Variants in DENND4B observed in about 807,000 individuals in gnomAD.
DENND4B encodes DENN domain-containing protein 4B.
Under a neutral mutation model 161.0 loss-of-function variants are expected in DENND4B, and 67 were observed. The ratio of observed to expected loss-of-function variants is 0.42; its 90% CI spans 0.34 to 0.51. The LOEUF is 0.51. Ranked by LOEUF, DENND4B falls within the 20% of genes least tolerant of loss-of-function variation. The pLI is 0.08. For missense variants in DENND4B, 1,481 were observed against 1,968.0 expected (o/e 0.75, Z 4.68); for synonymous variants, 753 against 813.8 (o/e 0.93, Z 1.27).
In DENND4B at chr1:153,944,243, A is replaced by C; in HGVS notation, c.132T>G (p.Ala44=). 6.2e-7 allele frequency: 1 copy of C among 1,602,656 alleles called. No homozygotes were observed. The highest frequency in any genetic ancestry group is 1.1e-5 in the South Asian group (1 of 89,912). ...TGACTGCCACATCTGTGATGGGCTC[A>C]GCTGGCCGGGGAGGGCGCAGGGGCC... ...PSGPLRPPRP[A]EPITDVAVIA... is the part of the protein sequence containing the mutation. The change falls in exon 2 of 28, where the codon GCT becomes GCG. Residue 44 remains alanine, a synonymous_variant. Coordinates refer to ENST00000361217, the MANE Select transcript of DENND4B (RefSeq NM_014856.3). This position sits in a 1 kb window ranked among gnomAD's most constrained non-coding sequence, Gnocchi z 4.8.
Position 153,933,268 on chromosome 1 carries a change from T to G in DENND4B, c.3382A>C (p.Asn1128His). The G allele has an allele frequency of 6.2e-7, 1 of 1,613,270 alleles. No individual in the cohort carries two copies. The highest frequency in any genetic ancestry group is 8.5e-7 in the Non-Finnish European group (1 of 1,179,584). Reference protein sequence around the residue: ...EWDLSESSLSNLSLRRSSERL... With the variant: ...EWDLSESSLSHLSLRRSSERL... ...TCTGAGGAACGGCGAAGACTCAGGT[T>G]GCTGAGAGAAGATTCTGAGAGGTCC... Residue 1128 changes from asparagine (N) to histidine (H), a missense_variant, in exon 21 of 28, where the codon AAC becomes CAC. Around this residue, in one of 3 missense-constraint regions of DENND4B, gnomAD observed 336 missense variants for 503.3 expected, o/e 0.67. Coordinates refer to ENST00000361217, the MANE Select transcript of DENND4B (RefSeq NM_014856.3). This position sits in a 1 kb window ranked among gnomAD's most constrained non-coding sequence, Gnocchi z 5.7.
chr1:153,931,732 A>G (rs1678951180), intron 24 of DENND4B, among the ~76,000 whole-genome samples: 1 of 151,634 alleles, frequency 6.6e-6, no homozygotes, highest in South Asian at 2.1e-4. Flanking sequence ...TCCTGACCTC[A>G]TGATCTGCCC....
rs1354012531 is a variant in DENND4B at position 153,933,415 on chromosome 1, TC to T, written c.3330+67del. 8 of 1,604,518 alleles carry T rather than the reference TC, an allele frequency of 5.0e-6. No individual in the cohort carries two copies. The highest frequency in any genetic ancestry group is 3.3e-5 in the South Asian group (3 of 90,304). On this transcript the variant is annotated intron_variant, in intron 20 of 27. Coordinates refer to ENST00000361217, the MANE Select transcript of DENND4B (RefSeq NM_014856.3). This position sits in a 1 kb window ranked among gnomAD's most constrained non-coding sequence, Gnocchi z 5.7. ...CCCTCAGAGCCCCCTTTTTGAGCAT[TC>T]TTCCAGTCGTAGCCCCTCCCCAAGC... is the stretch of plus-strand genomic sequence containing the variant.
intron 2 of DENND4B, 93 bp downstream of exon 2, chr1:153,943,965 T>C (rs1247700820): frequency 1.5e-6 from 2 of 1,376,840 alleles, no homozygotes; most frequent in African/African-American, 1.5e-5. Flanking sequence ...CCCATCCCCA[T>C]TGCCCTTCCC....
At chr1:153,931,173 C>T in intron 24 of DENND4B, 109 bp from the exon 25 acceptor site, 1 of 837,408 alleles carries the variant, frequency 1.2e-6, no homozygotes, top group Non-Finnish European at 1.9e-6. Context: ...AGGACACAGC[C>T]AAAGAGAAGT....
chr1:153,939,797 A>G lies in DENND4B; in HGVS notation c.1611T>C (p.Thr537=), dbSNP rs1199575665. Residue 537 remains threonine (T), a synonymous_variant, in exon 12 of 28, where the codon ACT becomes ACC. Transcript: ENST00000361217. ...CCAGGGATGCTTCCTCCTCAGGTCC[A>G]GTGTATGCTGGAGGCCAGGGCAGCC... The part of the protein sequence containing the change: ...NLYQQLDQTY[T]GPEEEASLEF... 1.2e-6 allele frequency: 2 copies of G among 1,613,730 alleles called. No homozygotes were observed. Among genetic ancestry groups the G allele is most frequent in the Admixed American group, 1.7e-5 (1 of 59,996 alleles).
At position 153,934,589 on chromosome 1, in the gene DENND4B, G is replaced by A. The variant is rs963195647; in HGVS notation, c.2773+171C>T. On this transcript the variant is annotated intron_variant, in intron 18 of 27. Coordinates refer to ENST00000361217, the MANE Select transcript of DENND4B (RefSeq NM_014856.3). The surrounding 1 kb of genome is among the most constrained non-coding windows in gnomAD (Gnocchi z 5.3). The stretch of plus-strand genomic sequence containing the variant: ...CCCAAGTAGCTGGGACTACAGGTGC[G>A]CGCCACCACGCCCAGCTAATTTTTT... 50 of 1,217,648 alleles carry A rather than the reference G, an allele frequency of 4.1e-5. No individual in the cohort carries two copies. Among genetic ancestry groups the A allele is most frequent in the East Asian group, 4.1e-4 (16 of 39,004 alleles). 75.4% of individuals were successfully genotyped at this position (1,217,648 alleles called of 1,614,324 possible).
Position 153,936,223 on chromosome 1 carries a change from C to T in DENND4B, c.2440-35G>A, listed in dbSNP as rs1557851035. 4 of 1,580,396 alleles carry T rather than the reference C, an allele frequency of 2.5e-6. No homozygotes were observed. Among genetic ancestry groups the T allele is most frequent in the Non-Finnish European group, 2.6e-6 (3 of 1,162,298 alleles). ...GAGAGGCACAGGACAATGGGAGACT[C>T]ACTCTCAACCAAAACCAAAGTCTCA... is the stretch of plus-strand genomic sequence containing the variant. On this transcript the variant is annotated intron_variant, in intron 16 of 27. Coordinates refer to ENST00000361217, the MANE Select transcript of DENND4B (RefSeq NM_014856.3). This position sits in a 1 kb window ranked among gnomAD's most constrained non-coding sequence, Gnocchi z 4.1.
At position 153,936,635 on chromosome 1, in the gene DENND4B, A is replaced by G. The variant is rs776068189; in HGVS notation, c.2346T>C (p.Tyr782=). The G allele has an allele frequency of 1.5e-5, 24 of 1,613,510 alleles. No individual in the cohort carries two copies. Among genetic ancestry groups the G allele is most frequent in the Non-Finnish European group, 1.6e-5 (19 of 1,179,694 alleles). The part of the protein sequence containing the change: ...YGLWFLCLPA[Y]VRSAPSRVQA... The stretch of plus-strand genomic sequence containing the variant: ...GCACTCGGGAGGGTGCCGACCGCAC[A>G]TAGGCAGGCAGACACAGGAACCACA... Residue 782 remains tyrosine (Y), a synonymous_variant, in exon 16 of 28, where the codon TAT becomes TAC. Coordinates refer to ENST00000361217, the MANE Select transcript of DENND4B (RefSeq NM_014856.3). This position sits in a 1 kb window ranked among gnomAD's most constrained non-coding sequence, Gnocchi z 4.1.
chr1:153,940,510 T>C lies in DENND4B; in HGVS notation c.1423A>G (p.Ile475Val), dbSNP rs372192970. 3 of 1,613,236 alleles carry C rather than the reference T, an allele frequency of 1.9e-6. No individual in the cohort carries two copies. The highest frequency in any genetic ancestry group is 1.3e-5 in the African/African-American group (1 of 74,878). Reference protein sequence around the residue: ...LSAPVPFIVGIHSSYFDLHDP... With the variant: ...LSAPVPFIVGVHSSYFDLHDP... Reference sequence around the variant, plus strand: ...TGCAGATCAAAGTAGCTGGAGTGGATACCCACAATGAAGGGCACTGGGGCA... The same window carrying C: ...TGCAGATCAAAGTAGCTGGAGTGGACACCCACAATGAAGGGCACTGGGGCA... The change falls in exon 10 of 28, where the codon ATC (isoleucine) becomes GTC (valine). Residue 475 changes from isoleucine to valine, a missense_variant. By Grantham distance (29) the Ile-to-Val change is conservative. Transcript: ENST00000361217. This position sits in a 1 kb window ranked among gnomAD's most constrained non-coding sequence, Gnocchi z 5.6.
Position 153,934,663 on chromosome 1 carries a change from C to T in DENND4B, c.2773+97G>A. On this transcript the variant is annotated intron_variant, in intron 18 of 27. Coordinates refer to ENST00000361217, the MANE Select transcript of DENND4B (RefSeq NM_014856.3). The surrounding 1 kb of genome is among the most constrained non-coding windows in gnomAD (Gnocchi z 5.3). Reference sequence around the variant, plus strand: ...TGTAATTTATCAATCCCCAGAAACCCAATGCCAACCATTAGACCAGCCCCA... The same window carrying T: ...TGTAATTTATCAATCCCCAGAAACCTAATGCCAACCATTAGACCAGCCCCA... 6.7e-7 allele frequency: 1 copy of T among 1,502,936 alleles called. No homozygotes were observed. Among genetic ancestry groups the T allele is most frequent in the Non-Finnish European group, 8.9e-7 (1 of 1,124,738 alleles). 93.1% of individuals were successfully genotyped at this position (1,502,936 alleles called of 1,614,324 possible). A position where few individuals can be genotyped will look rare whatever the true frequency, so the allele number is the denominator to read the frequency against.
Position 153,930,543 on chromosome 1 carries a change from G to T in DENND4B, c.4341C>A (p.Asp1447Glu), listed in dbSNP as rs1461841057. 2.5e-6 allele frequency: 4 copies of T among 1,613,908 alleles called. No individual in the cohort carries two copies. The highest frequency in any genetic ancestry group is 1.7e-6 in the Non-Finnish European group (2 of 1,179,912). Residue 1447 changes from aspartate (D) to glutamate (E), a missense_variant, in exon 27 of 28, where the codon GAC becomes GAA. Physicochemically the swap from Asp to Glu is conservative, Grantham distance 45. This residue lies in a region of DENND4B where 336 missense variants were observed against 503.3 expected (regional missense o/e 0.67). Coordinates refer to ENST00000361217, the MANE Select transcript of DENND4B (RefSeq NM_014856.3). The surrounding 1 kb of genome is among the most constrained non-coding windows in gnomAD (Gnocchi z 4.7). ...TMAALGKDHV[D>E]IVAFDKKYKS... ...GCCCCTTGCCTGCAATCTCACCTATGTCCACGTGGTCCTTGCCCAGAGCAG... is the reference window on the plus strand; with the variant it reads ...GCCCCTTGCCTGCAATCTCACCTATTTCCACGTGGTCCTTGCCCAGAGCAG...
Position 153,933,548 on chromosome 1 carries a change from C to T in DENND4B, c.3265G>A (p.Ala1089Thr). 2 of 1,548,560 alleles carry T rather than the reference C, an allele frequency of 1.3e-6. No individual in the cohort carries two copies. The highest frequency in any genetic ancestry group is 1.7e-6 in the Non-Finnish European group (2 of 1,149,954). The change falls in exon 20 of 28, where the codon GCC (alanine) becomes ACC (threonine). Residue 1089 changes from alanine to threonine, a missense_variant. By Grantham distance (58) the Ala-to-Thr change is moderately conservative. Transcript: ENST00000361217. This position sits in a 1 kb window ranked among gnomAD's most constrained non-coding sequence, Gnocchi z 5.7. ...PELPPDLPPP[A>T]RRSPMDSLLH... ...AGACTGTCCATGGGGCTGCGGCGGG[C>T]TGGGGGTGGCAGGTCAGGAGGCAGC...
chr1:153,943,678 T>TAAAAAAAAAA (rs11330733), intron 2 of DENND4B, among the ~76,000 whole-genome samples: 14 of 92,394 alleles, frequency 1.5e-4, no homozygotes, highest in South Asian at 7.3e-4. Context: ...ACTCTGTCTA[T>TAAAAAAAAAA]AAAAAAAAAA....
chr1:153,934,299 G>GGC lies in DENND4B; in HGVS notation c.2775_2776dup (p.Pro926ArgfsTer24), dbSNP rs1679184591. ...AGTAGGGGAAGGGCGCTCCAAATAGGGCTCTGTAAAAGACGAGAAGGGGTT... is the reference window on the plus strand; with the variant it reads ...AGTAGGGGAAGGGCGCTCCAAATAGGGCGCTCTGTAAAAGACGAGAAGGGGTT... On this transcript the variant is annotated frameshift_variant, in exon 19 of 28. Coordinates refer to ENST00000361217, the MANE Select transcript of DENND4B (RefSeq NM_014856.3). LOFTEE classifies it high-confidence loss of function. This position sits in a 1 kb window ranked among gnomAD's most constrained non-coding sequence, Gnocchi z 5.3. 6.3e-7 allele frequency: 1 copy of GGC among 1,584,206 alleles called. No individual in the cohort carries two copies.
rs941498029 is a variant in DENND4B, at chr1:153,933,255, C to T, written c.3395G>A (p.Arg1132His). Residue 1132 changes from arginine to histidine, a missense_variant, in exon 21 of 28, where the codon CGC (arginine) becomes CAC (histidine). Physicochemically the swap from Arg to His is conservative, Grantham distance 29. This residue lies in a region of DENND4B where 336 missense variants were observed against 503.3 expected (regional missense o/e 0.67). Coordinates refer to ENST00000361217, the MANE Select transcript of DENND4B (RefSeq NM_014856.3). This position sits in a 1 kb window ranked among gnomAD's most constrained non-coding sequence, Gnocchi z 5.7. ...GTCACTGAGGCGCTCTGAGGAACGGCGAAGACTCAGGTTGCTGAGAGAAGA... is the reference window on the plus strand; with the variant it reads ...GTCACTGAGGCGCTCTGAGGAACGGTGAAGACTCAGGTTGCTGAGAGAAGA... ...SESSLSNLSL[R>H]RSSERLSDTP... 5.6e-6 allele frequency: 9 copies of T among 1,613,046 alleles called. No homozygotes were observed. Among genetic ancestry groups the T allele is most frequent in the African/African-American group, 4.0e-5 (3 of 75,008 alleles).
chr1:153,941,961 C>T lies in DENND4B; in HGVS notation c.963G>A (p.Leu321=), dbSNP rs1032370915. The T allele has an allele frequency of 1.9e-6, 3 of 1,612,260 alleles. No individual in the cohort carries two copies. The highest frequency in any genetic ancestry group is 2.5e-6 in the Non-Finnish European group (3 of 1,179,838). ...AGGCAGGGAAGGCAGGCCAGCGGGA[C>T]AGCACAGCGATGGCACGCCGGCTGC... ...AVRSRRAIAV[L]SRWPAFPAFR... Residue 321 remains leucine (L), a synonymous_variant, in exon 6 of 28, where the codon CTG becomes CTA. Transcript: ENST00000361217.
At position 153,940,390 on chromosome 1, in the gene DENND4B, C is replaced by T. The variant is rs760999835; in HGVS notation, c.1502+41G>A. 6.3e-7 allele frequency: 1 copy of T among 1,599,204 alleles called. No individual in the cohort carries two copies. Among genetic ancestry groups the T allele is most frequent in the East Asian group, 2.3e-5 (1 of 44,418 alleles). ...CACTCCACACACTAGCCCATTCCTG[C>T]CCACCACCCTGCAGCCCCCAAATGA... On this transcript the variant is annotated intron_variant, in intron 10 of 27. Transcript: ENST00000361217. The surrounding 1 kb of genome is among the most constrained non-coding windows in gnomAD (Gnocchi z 5.6).
Position 153,937,633 on chromosome 1 carries a change from G to T in DENND4B, c.2106-19C>A, listed in dbSNP as rs1339944468. ...ATCATAGCTGGAGGGGCAGAGAGAA[G>T]CAACATCGGGGCAGTCAGCACAGGG... On this transcript the variant is annotated intron_variant, in intron 14 of 27. Coordinates refer to ENST00000361217, the MANE Select transcript of DENND4B (RefSeq NM_014856.3). This position sits in a 1 kb window ranked among gnomAD's most constrained non-coding sequence, Gnocchi z 4.7. 1.1e-5 allele frequency: 17 copies of T among 1,611,652 alleles called. No homozygotes were observed. Among genetic ancestry groups the T allele is most frequent in the Non-Finnish European group, 1.4e-5 (17 of 1,178,230 alleles).
Sources: gnomAD v4.1 joint callset for allele counts (sites outside exome capture counted in the v4.1 genomes callset) on GRCh38, gnomAD v4.1.1 for gene constraint, gnomAD v4.1.1 regional missense constraint, Gnocchi (gnomAD v3.1) non-coding constraint, MANE v1.5 for transcripts, NCBI Gene and HGNC (gene_info 2026-07-23, HGNC 2026-07-21) for gene names.